Variants in NTAN1 observed in about 807,000 individuals in gnomAD.
NTAN1 encodes the protein N-terminal asparagine amidase.
Under a neutral mutation model 41.9 loss-of-function variants are expected in NTAN1, and 32 were observed. The observed-to-expected ratio is 0.76, with a 90% CI of 0.58 to 1.03. The LOEUF (loss-of-function observed/expected upper bound fraction) is 1.03. Among genes scored for constraint, NTAN1 ranks in the 50% least tolerant of loss-of-function variants. NTAN1 has a pLI of 0.00. For missense variants in NTAN1, 377 were observed against 377.5 expected (o/e 1.00, Z 0.01); for synonymous variants, 140 against 139.5 (o/e 1.00, Z -0.03).
rs2044500236 is a variant in NTAN1 at position 15,055,992 on chromosome 16, CAGGCCCAGGG to C, written c.-31_-22del. 1.7e-5 allele frequency: 21 copies of C among 1,203,200 alleles called. No homozygotes were observed. The highest frequency in any genetic ancestry group is 2.0e-5 in the Non-Finnish European group (19 of 967,782). 74.5% of individuals were successfully genotyped at this position (1,203,200 alleles called of 1,614,324 possible). A position where few individuals can be genotyped will look rare whatever the true frequency, so the allele number is the denominator to read the frequency against. ...GGCATCGCGGAGGCGGCCGCCCAGGCAGGCCCAGGGAGGCGGCGGCCCCCCGCTTTGCAGC... is the reference window on the plus strand; with the variant it reads ...GGCATCGCGGAGGCGGCCGCCCAGGCAGGCGGCGGCCCCCCGCTTTGCAGC... On this transcript the variant is annotated 5_prime_UTR_variant, in exon 1 of 10. Transcript: ENST00000287706.
intron 4 of NTAN1, chr16:15,044,712 A>G (rs926818512): frequency 3.4e-5 from 14 of 411,002 alleles, no homozygotes; most frequent in African/African-American, 2.8e-4. Context: ...GGACAGGTGC[A>G]GTGGCTCACA....
At chr16:15,043,001 AGC>A (rs1350264048) in intron 5 of NTAN1, among the ~76,000 whole-genome samples, 2 of 151,918 alleles carry the variant, frequency 1.3e-5, no homozygotes, top group African/African-American at 4.8e-5. Context: ...CCCGGGTTCA[AGC>A]GGTTCTCCTG....
intron 7 of NTAN1, chr16:15,040,467 G>T: frequency 5.3e-6 from 1 of 188,018 alleles, no homozygotes; most frequent in Non-Finnish European, 1.1e-5. Flanking sequence ...ACAGAGAATA[G>T]AACAGTGAAC....
At chr16:15,039,137 A>C (rs1439817117) in intron 8 of NTAN1, among the ~76,000 whole-genome samples, 10 of 152,224 alleles carry the variant, frequency 6.6e-5, no homozygotes, top group Admixed American at 3.3e-4. Context: ...AGAAGAAGCT[A>C]ATTTGCCAAA....
intron 9 of NTAN1, 105 bp downstream of exon 9, chr16:15,038,469 C>A (rs987705274): frequency 1.4e-5 from 10 of 693,646 alleles, no homozygotes; most frequent in Non-Finnish European, 5.0e-6. Context: ...AGTTACTACC[C>A]GCCAAAGGGA....
At chr16:15,048,860 G>A (rs2044185441) in intron 1 of NTAN1, among the ~76,000 whole-genome samples, 2 of 149,934 alleles carry the variant, frequency 1.3e-5, no homozygotes, top group Admixed American at 6.7e-5. Flanking sequence ...CTGGGCTCAA[G>A]CAATCCACCC....
chr16:15,044,260 G>C, intron 5 of NTAN1, 74 bp downstream of exon 5: 1 of 1,013,774 alleles, frequency 9.9e-7, no homozygotes, highest in East Asian at 2.5e-5. Context: ...GTACCAATTG[G>C]GATTTTTAAC....
chr16:15,044,721 CAT>C, intron 4 of NTAN1: 1 of 366,226 alleles, frequency 2.7e-6, no homozygotes. Flanking sequence ...CAGTGGCTCA[CAT>C]CTGTAATCCT....
At chr16:15,042,219 T>G (rs1285997894) in intron 5 of NTAN1, among the ~76,000 whole-genome samples, 1 of 147,930 alleles carries the variant, frequency 6.8e-6, no homozygotes, top group African/African-American at 2.5e-5. Context: ...GGAGTCTTGC[T>G]CTGTCACCCA....
intron 1 of NTAN1, among the ~76,000 whole-genome samples, chr16:15,053,783 C>T (rs1597823083): frequency 1.3e-5 from 2 of 152,096 alleles, no homozygotes; most frequent in African/African-American, 2.4e-5. Context: ...TGGTGGCATG[C>T]ACCTGTAATC....
intron 1 of NTAN1, among the ~76,000 whole-genome samples, chr16:15,053,027 T>G (rs1597819700): frequency 6.6e-6 from 1 of 152,278 alleles, no homozygotes; most frequent in South Asian, 2.1e-4. Flanking sequence ...ACCGTCTATA[T>G]TCACACTGTC....
chr16:15,055,838 C>G, intron 1 of NTAN1, 53 bp downstream of exon 1: 1 of 994,600 alleles, frequency 1.0e-6, no homozygotes, highest in Non-Finnish European at 1.3e-6. Context: ...GCTAGCCCGC[C>G]CTGCAGCTTC....
chr16:15,041,028 T>C, intron 7 of NTAN1, 40 bp downstream of exon 7: 1 of 1,395,898 alleles, frequency 7.2e-7, no homozygotes, highest in African/African-American at 1.4e-5. Flanking sequence ...ACTGCACATG[T>C]GACCAAGACT....
chr16:15,041,170 G>T (rs755997046), intron 6 of NTAN1, 49 bp from the exon 7 acceptor site: 9 of 1,177,580 alleles, frequency 7.6e-6, no homozygotes, highest in African/African-American at 1.5e-5. Flanking sequence ...AATACCAAAT[G>T]ATTATTTTTA....
chr16:15,040,678 C>T (rs1235285106), intron 7 of NTAN1, among the ~76,000 whole-genome samples: 1 of 152,064 alleles, frequency 6.6e-6, no homozygotes, highest in Non-Finnish European at 1.5e-5. Context: ...TCCTCAGTTC[C>T]TGATGTATAA....
chr16:15,051,190 C>T (rs2044277977), intron 1 of NTAN1, among the ~76,000 whole-genome samples: 2 of 152,234 alleles, frequency 1.3e-5, no homozygotes, highest in South Asian at 4.1e-4. Context: ...ATTGGGTCAC[C>T]ACTCAAAAGC....
chr16:15,051,011 C>A (rs1327023466), intron 1 of NTAN1, among the ~76,000 whole-genome samples: 1 of 152,182 alleles, frequency 6.6e-6, no homozygotes, highest in Admixed American at 6.5e-5. Flanking sequence ...CAGGTGACAG[C>A]CTCTCATTTT....
At chr16:15,053,147 TA>T (rs2044361574) in intron 1 of NTAN1, among the ~76,000 whole-genome samples, 1 of 152,246 alleles carries the variant, frequency 6.6e-6, no homozygotes. Flanking sequence ...AAATCCTAAG[TA>T]ACCAGATGGC....
rs868592045 is a variant in NTAN1 at position 15,046,947 on chromosome 16, G to A, written c.359+495C>T. ...GCGGTCCCCACATCTTCCTGGCCTC[G>A]TTTTCTCCACAGCCCCGCCTCACCA... On this transcript the variant is annotated intron_variant, in intron 4 of 9. Coordinates refer to ENST00000287706, the MANE Select transcript of NTAN1 (RefSeq NM_173474.4). 1.8e-4 allele frequency among the ~76,000 whole-genome samples: 27 copies of A among 151,928 alleles called. 1 individual carries two copies. The highest frequency in any genetic ancestry group is 1.2e-3 in the South Asian group (6 of 4,808).
Sources: allele counts gnomAD v4.1 joint callset (sites outside exome capture counted in the v4.1 genomes callset), GRCh38; gene constraint gnomAD v4.1.1; transcripts MANE v1.5; gene names NCBI Gene and HGNC (gene_info 2026-07-23, HGNC 2026-07-21).